The following ZBTB20 variants were observed in gnomAD, a reference collection of about 807,000 sequenced individuals.
ZBTB20 encodes zinc finger and BTB domain containing 20, also known as zinc finger and BTB domain-containing protein 20.
In ZBTB20, 9 loss-of-function variants were observed where a neutral mutation model predicts 56.9. The observed-to-expected ratio is 0.16, with a 90% CI of 0.10 to 0.28. ZBTB20 has a LOEUF of 0.28. Ranked by LOEUF, ZBTB20 falls within the 10% of genes least tolerant of loss-of-function variation. The probability of loss-of-function intolerance (pLI) is 1.00; values close to 1 mark genes in which losing one functional copy is unlikely to be tolerated. For synonymous variants in ZBTB20, 417 were observed against 420.7 expected, an observed-to-expected ratio of 0.99 and a Z score of 0.11; for missense variants, 655 against 1,003.0, an observed-to-expected ratio of 0.65 and a Z score of 4.69.
chr3:114,926,523 C>T (rs1014573097), intron 3 of ZBTB20, among the ~76,000 whole-genome samples: 10 of 151,742 alleles, frequency 6.6e-5, no homozygotes, highest in Non-Finnish European at 7.4e-5. Context: ...AAACAGAAGG[C>T]TTTAAAAAAG....
intron 6 of ZBTB20, among the ~76,000 whole-genome samples, chr3:114,513,562 A>T (rs916075304): frequency 1.3e-5 from 2 of 152,050 alleles, no homozygotes; most frequent in Non-Finnish European, 1.5e-5. Context: ...GGCAGGCTGG[A>T]GAGGATGTTT....
chr3:114,731,733 G>A (rs918166719), intron 5 of ZBTB20, among the ~76,000 whole-genome samples: 2 of 151,632 alleles, frequency 1.3e-5, no homozygotes, highest in African/African-American at 4.8e-5. Flanking sequence ...TAACTAACCC[G>A]GCTGTACCTA....
chr3:114,319,137 CTT>C lies in ZBTB20; in HGVS notation c.*19866_*19867del, dbSNP rs34469400. 1 of 151,128 alleles carries C rather than the reference CTT, an allele frequency of 6.6e-6. No individual in the cohort carries two copies. The highest frequency in any genetic ancestry group is 1.5e-5 in the Non-Finnish European group (1 of 67,850). 9.4% of individuals were successfully genotyped at this position (151,128 alleles called of 1,614,324 possible). ...ACTGCAGCATATCCTTAAGGGCAAA[CTT>C]TTCGATTAGTTTTTTTCTTTTTTTT... On this transcript the variant is annotated 3_prime_UTR_variant, in exon 12 of 12. Coordinates refer to ENST00000675478, the MANE Select transcript of ZBTB20 (RefSeq NM_001348800.3).
intron 1 of ZBTB20, among the ~76,000 whole-genome samples, chr3:115,103,545 C>T (rs2083641166): frequency 6.6e-6 from 1 of 152,100 alleles, no homozygotes. Flanking sequence ...GGAGAAGGCC[C>T]ACATATGTAT....
intron 7 of ZBTB20, among the ~76,000 whole-genome samples, chr3:114,392,537 T>G (rs1322385297): frequency 6.6e-6 from 1 of 152,228 alleles, no homozygotes; most frequent in Non-Finnish European, 1.5e-5. Context: ...CTGGAGTTCT[T>G]GGTGAAAACA....
intron 4 of ZBTB20, among the ~76,000 whole-genome samples, chr3:114,814,301 T>G (rs1176205581): frequency 1.3e-5 from 2 of 150,428 alleles, no homozygotes; most frequent in Non-Finnish European, 1.5e-5. Flanking sequence ...CATAAATATA[T>G]TTATATTGTA....
At chr3:114,461,300 C>A (rs932392889) in intron 7 of ZBTB20, among the ~76,000 whole-genome samples, 3 of 151,052 alleles carry the variant, frequency 2.0e-5, no homozygotes, top group African/African-American at 7.3e-5. Context: ...ATCTCCTCCC[C>A]CCCCCCTCTT....
chr3:114,958,893 T>G (rs934817912), intron 3 of ZBTB20, among the ~76,000 whole-genome samples: 1 of 151,694 alleles, frequency 6.6e-6, no homozygotes, highest in Non-Finnish European at 1.5e-5. Flanking sequence ...ATAATAGGCA[T>G]TTTGAAGACT....
intron 6 of ZBTB20, among the ~76,000 whole-genome samples, chr3:114,530,006 T>C (rs900481720): frequency 6.6e-6 from 1 of 152,250 alleles, no homozygotes; most frequent in Non-Finnish European, 1.5e-5. Context: ...TATCTGACTG[T>C]GGTCCTGCAA....
At chr3:114,442,532 C>G (rs2090999467) in intron 7 of ZBTB20, among the ~76,000 whole-genome samples, 1 of 152,268 alleles carries the variant, frequency 6.6e-6, no homozygotes, top group South Asian at 2.1e-4. Context: ...GATGCCAACA[C>G]CATTACTCTG....
intron 1 of ZBTB20, among the ~76,000 whole-genome samples, chr3:115,083,097 A>G (rs1328022930): frequency 6.6e-6 from 1 of 152,082 alleles, no homozygotes; most frequent in Non-Finnish European, 1.5e-5. Flanking sequence ...CAAGGCAATT[A>G]TAGCCACAAA....
At chr3:114,552,769 C>A (rs907775604) in intron 6 of ZBTB20, among the ~76,000 whole-genome samples, 1 of 152,078 alleles carries the variant, frequency 6.6e-6, no homozygotes, top group African/African-American at 2.4e-5. Context: ...GATTAAGAGG[C>A]TTTTAAGAGG....
intron 6 of ZBTB20, among the ~76,000 whole-genome samples, chr3:114,559,558 G>T (rs994335937): frequency 6.6e-6 from 1 of 152,042 alleles, no homozygotes; most frequent in Non-Finnish European, 1.5e-5. Context: ...TTGGGAAGAG[G>T]GTCCATAGCT....
chr3:114,785,961 C>T (rs989589667), intron 5 of ZBTB20, among the ~76,000 whole-genome samples: 1 of 152,074 alleles, frequency 6.6e-6, no homozygotes, highest in Non-Finnish European at 1.5e-5. Flanking sequence ...TGGCAATCAC[C>T]ATTTTATTCT....
At position 114,883,916 on chromosome 3, in the gene ZBTB20, C is replaced by CCTTTTTTTTTTTTTTTTTTTTT. The variant is rs1223732179; in HGVS notation, c.-417+16387_-417+16388insAAAAAAAAAAAAAAAAAAAAAG. Among the ~76,000 whole-genome samples the CCTTTTTTTTTTTTTTTTTTTTT allele has an allele frequency of 1.7e-4, 15 of 89,830 alleles. 4 individuals carry two copies. Among genetic ancestry groups the CCTTTTTTTTTTTTTTTTTTTTT allele is most frequent in the African/African-American group, 3.6e-4 (9 of 25,080 alleles). 58.9% of individuals were successfully genotyped at this position (89,830 alleles called of 152,430 possible). A position where few individuals can be genotyped will look rare whatever the true frequency, so the allele number is the denominator to read the frequency against. Reference sequence around the variant, plus strand: ...GTATAACTGGTAAGAATGGTGTGTTCTTTTTTTTTTTTTTTTTTTTTTTTT... The same window carrying CCTTTTTTTTTTTTTTTTTTTTT: ...GTATAACTGGTAAGAATGGTGTGTTCCTTTTTTTTTTTTTTTTTTTTTTTTTTTTTTTTTTTTTTTTTTTTTT... On this transcript the variant is annotated intron_variant, in intron 4 of 11. Transcript: ENST00000675478.
chr3:114,736,910 T>C (rs1047917977), intron 5 of ZBTB20, among the ~76,000 whole-genome samples: 1 of 152,094 alleles, frequency 6.6e-6, no homozygotes, highest in African/African-American at 2.4e-5. Context: ...GGAGTTATGT[T>C]CCCTGATCAA....
At chr3:114,518,131 C>T (rs114302403) in intron 6 of ZBTB20, among the ~76,000 whole-genome samples, 4,320 of 152,158 alleles carry the variant, frequency 0.028, 100 homozygotes, top group South Asian at 0.064. Context: ...ATGTGGTGCC[C>T]GGACACTGCT....
chr3:114,524,384 A>G (rs1250507262), intron 6 of ZBTB20, among the ~76,000 whole-genome samples: 1 of 152,194 alleles, frequency 6.6e-6, no homozygotes, highest in African/African-American at 2.4e-5. Flanking sequence ...GAAGTTCAAG[A>G]AATTGAGAGG....
At chr3:115,064,214 C>T (rs2895421) in intron 2 of ZBTB20, among the ~76,000 whole-genome samples, 35,794 of 151,944 alleles carry the variant, frequency 0.24, 4,586 homozygotes, top group Middle Eastern at 0.32. Context: ...CTTCACCTTT[C>T]TCACCTCATT....
Sources: gnomAD v4.1 joint callset for allele counts (sites outside exome capture counted in the v4.1 genomes callset) on GRCh38, gnomAD v4.1.1 for gene constraint, MANE v1.5 for transcripts, NCBI Gene and HGNC (gene_info 2026-07-23, HGNC 2026-07-21) for gene names.